NDUFAF7: variants seen among roughly 807,000 people sequenced by gnomAD.
The protein encoded by NDUFAF7 is protein arginine methyltransferase NDUFAF7, mitochondrial.
A neutral mutation model predicts 47.2 loss-of-function variants in NDUFAF7; 48 were observed. The observed-to-expected ratio is 1.02, with a 90% CI of 0.81 to 1.29. The LOEUF (loss-of-function observed/expected upper bound fraction) is 1.29, where lower values mean the gene tolerates loss of function less well. NDUFAF7 is among the 50% of genes most tolerant of loss of function. The pLI is 0.00. For synonymous variants in NDUFAF7, 217 were observed against 190.0 expected, an observed-to-expected ratio of 1.14 and a Z score of -1.17; for missense variants, 635 against 537.6, an observed-to-expected ratio of 1.18 and a Z score of -1.79.
rs1414784261 is a variant in NDUFAF7 at position 37,237,704 on chromosome 2, A to G, written c.298-53A>G. On this transcript the variant is annotated intron_variant, in intron 3 of 9. Coordinates refer to ENST00000002125, the MANE Select transcript of NDUFAF7 (RefSeq NM_144736.5). Reference sequence around the variant, plus strand: ...TATGTGAAATTTTATATTGTGGTATACTTTTATACTTTATAATACTTTAAT... The same window carrying G: ...TATGTGAAATTTTATATTGTGGTATGCTTTTATACTTTATAATACTTTAAT... 4 of 1,320,926 alleles carry G rather than the reference A, an allele frequency of 3.0e-6. No individual in the cohort carries two copies. In the African/African-American group the frequency reaches 5.9e-5, roughly 19 times the overall value. The allele number at this position is 1,320,926 out of a possible 1,614,324, so 81.8% of individuals were successfully genotyped here. A position where few individuals can be genotyped will look rare whatever the true frequency, so the allele number is the denominator to read the frequency against.
chr2:37,268,607 T>G, the NDUFAF7 span: 13 of 257,576 alleles, frequency 5.0e-5, no homozygotes, highest in Non-Finnish European at 7.6e-5. Flanking sequence ...ATGTTTTTAT[T>G]TGATGGAGAA....
chr2:37,236,592 C>G (rs1043169219), intron 3 of NDUFAF7, among the ~76,000 whole-genome samples: 4 of 151,844 alleles, frequency 2.6e-5, no homozygotes, highest in African/African-American at 9.7e-5. Context: ...CTGGCTAACA[C>G]GGTGAAACGC....
intron 7 of NDUFAF7, among the ~76,000 whole-genome samples, chr2:37,245,005 C>G (rs1370419080): frequency 6.6e-6 from 1 of 152,196 alleles, no homozygotes; most frequent in Non-Finnish European, 1.5e-5. Flanking sequence ...GATAGAATGT[C>G]AGCATGATCA....
At position 37,231,841 on chromosome 2, in the gene NDUFAF7, G is replaced by C. The variant is rs978773347; in HGVS notation, c.55+81G>C. 7.5e-6 allele frequency: 12 copies of C among 1,597,766 alleles called. No individual in the cohort carries two copies. The African/African-American group carries it at 1.6e-4, about 21-fold the overall frequency. Reference sequence around the variant, plus strand: ...CCTCAGCTCTTCAGTTGAGGGTACCGGGGGATCAAGGGCTCGGGGGCTCAC... The same window carrying C: ...CCTCAGCTCTTCAGTTGAGGGTACCCGGGGATCAAGGGCTCGGGGGCTCAC... On this transcript the variant is annotated intron_variant, in intron 1 of 9. Coordinates refer to ENST00000002125, the MANE Select transcript of NDUFAF7 (RefSeq NM_144736.5).
chr2:37,245,554 T>A (rs949119160), intron 7 of NDUFAF7, among the ~76,000 whole-genome samples: 3 of 152,210 alleles, frequency 2.0e-5, no homozygotes, highest in Non-Finnish European at 4.4e-5. Context: ...TGGGATACTT[T>A]CTGGCACAAC....
At chr2:37,260,855 CCT>C in the NDUFAF7 span, among the ~76,000 whole-genome samples, 3 of 152,090 alleles carry the variant, frequency 2.0e-5, no homozygotes, top group African/African-American at 7.2e-5. Flanking sequence ...TCATTAATTC[CCT>C]TTTTTTAGGC....
At position 37,232,190 on chromosome 2, in the gene NDUFAF7, T is replaced by C. The variant is rs767578534; in HGVS notation, c.140T>C (p.Leu47Pro). Residue 47 changes from leucine (L) to proline (P), a missense_variant, in exon 2 of 10, where the codon CTT (leucine) becomes CCT (proline). Transcript: ENST00000002125. ...CCGGTGACGCCGATGCTGCGGCATC[T>C]TATGTACAAAATAAAGTCTACTGGT... ...ENPVTPMLRHLMYKIKSTGPI... is the reference protein window; with the variant it reads ...ENPVTPMLRHPMYKIKSTGPI... The C allele has an allele frequency of 1.2e-6, 2 of 1,614,030 alleles. No homozygotes were observed. Among genetic ancestry groups the C allele is most frequent in the Admixed American group, 1.7e-5 (1 of 60,008 alleles).
Position 37,231,667 on chromosome 2 carries a change from C to G in NDUFAF7, c.-39C>G. On this transcript the variant is annotated 5_prime_UTR_variant, in exon 1 of 10. Transcript: ENST00000002125. ...TCTTCTCCCGGAAATGGTCTAAGCC[C>G]CAGCTCCTGGCGGAGCGAGCTAGCC... The G allele has an allele frequency of 3.1e-6, 5 of 1,614,034 alleles. No individual in the cohort carries two copies. Among genetic ancestry groups the G allele is most frequent in the Non-Finnish European group, 4.2e-6 (5 of 1,179,968 alleles).
At chr2:37,262,901 C>T in the NDUFAF7 span, among the ~76,000 whole-genome samples, 1 of 147,624 alleles carries the variant, frequency 6.8e-6, no homozygotes, top group Non-Finnish European at 1.5e-5. Context: ...TCCTTCCCCC[C>T]CCCGTATTTG....
chr2:37,257,351 A>G (rs1216355639), downstream of NDUFAF7, among the ~76,000 whole-genome samples: 3 of 152,108 alleles, frequency 2.0e-5, no homozygotes, highest in Non-Finnish European at 2.9e-5. Flanking sequence ...AAGGTACTCA[A>G]TGTTTGCTGA....
the NDUFAF7 span, among the ~76,000 whole-genome samples, chr2:37,265,986 A>G: frequency 6.6e-6 from 1 of 152,218 alleles, no homozygotes; most frequent in Non-Finnish European, 1.5e-5. Context: ...TTCGCTTACT[A>G]GTTGGACAAT....
downstream of NDUFAF7, chr2:37,254,373 CCATAGAAATA>C: frequency 2.0e-6 from 2 of 1,016,762 alleles, no homozygotes; most frequent in Non-Finnish European, 3.1e-6. Flanking sequence ...GCAGTTCAAC[CCATAGAAATA>C]CAGGGTTGAG....
chr2:37,257,666 CAAAAGAA>C (rs1402728628), downstream of NDUFAF7, among the ~76,000 whole-genome samples: 8 of 62,424 alleles, frequency 1.3e-4, no homozygotes, highest in East Asian at 3.2e-3. Flanking sequence ...GACTCTGTCT[CAAAAGAA>C]AAAAAAAAAA....
At chr2:37,248,048 G>A in intron 9 of NDUFAF7, 87 bp from the exon 10 acceptor site, 2 of 1,070,966 alleles carry the variant, frequency 1.9e-6, no homozygotes. Flanking sequence ...CTGTTTTATT[G>A]GAATATTTGA....
chr2:37,257,692 AAAG>A (rs1243875899), downstream of NDUFAF7, among the ~76,000 whole-genome samples: 69 of 148,122 alleles, frequency 4.7e-4, no homozygotes, highest in South Asian at 1.9e-3. Context: ...AAAAAAAAAA[AAAG>A]TTACAGTATT....
chr2:37,246,093 T>C lies in NDUFAF7; in HGVS notation c.834T>C (p.Ala278=). The C allele has an allele frequency of 1.2e-6, 2 of 1,613,970 alleles. No homozygotes were observed. The highest frequency in any genetic ancestry group is 1.7e-6 in the Non-Finnish European group (2 of 1,179,864). ...TRDHVEVCPD[A]GVIIEELSQR... Reference sequence around the variant, plus strand: ...ATCATGTTGAAGTGTGTCCTGATGCTGGTGTTATCATCGAGGAACTTTCTC... The same window carrying C: ...ATCATGTTGAAGTGTGTCCTGATGCCGGTGTTATCATCGAGGAACTTTCTC... Residue 278 remains alanine, a synonymous_variant, in exon 8 of 10, where the codon GCT becomes GCC. Coordinates refer to ENST00000002125, the MANE Select transcript of NDUFAF7 (RefSeq NM_144736.5).
chr2:37,268,626 G>A, the NDUFAF7 span: 8 of 247,538 alleles, frequency 3.2e-5, no homozygotes, highest in African/African-American at 9.3e-5. Context: ...AAATAGGTAC[G>A]GGGACAAGAA....
chr2:37,265,594 C>G, the NDUFAF7 span, among the ~76,000 whole-genome samples: 9 of 152,176 alleles, frequency 5.9e-5, no homozygotes, highest in Non-Finnish European at 1.2e-4. Context: ...AACTCTGAAT[C>G]TGCCTTCCTG....
chr2:37,242,148 CT>C (rs771936792), intron 5 of NDUFAF7: 10 of 281,094 alleles, frequency 3.6e-5, no homozygotes, highest in Admixed American at 4.9e-5. Flanking sequence ...GTTATAGAGT[CT>C]TTTAAAAAAT....
Sources: allele counts gnomAD v4.1 joint callset (sites outside exome capture counted in the v4.1 genomes callset), GRCh38; gene constraint gnomAD v4.1.1; transcripts MANE v1.5; gene names NCBI Gene and HGNC (gene_info 2026-07-23, HGNC 2026-07-21).